The following CHORDC1 variants were observed in gnomAD, a reference collection of about 807,000 sequenced individuals.
The protein encoded by CHORDC1 is cysteine and histidine-rich domain-containing protein 1.
CHORDC1 carries 25 observed loss-of-function variants against 48.3 expected under a neutral mutation model. The observed-to-expected ratio is 0.52, with a 90% CI of 0.38 to 0.72. The LOEUF is 0.72. CHORDC1 is among the 30% of genes least tolerant of loss of function. The probability of loss-of-function intolerance (pLI) is 0.00; values close to 1 mark genes in which losing one functional copy is unlikely to be tolerated. For missense variants in CHORDC1, 317 were observed against 388.7 expected, an observed-to-expected ratio of 0.82 and a Z score of 1.55; for synonymous variants, 128 against 126.4, an observed-to-expected ratio of 1.01 and a Z score of -0.09.
chr11:90,216,738 T>C (rs1858022500), intron 2 of CHORDC1, among the ~76,000 whole-genome samples: 1 of 152,144 alleles, frequency 6.6e-6, no homozygotes, highest in Non-Finnish European at 1.5e-5. Context: ...AGCAGTAAAG[T>C]TGAGAGGCAG....
chr11:90,221,035 GA>G (rs980045588), intron 1 of CHORDC1, among the ~76,000 whole-genome samples: 37 of 149,962 alleles, frequency 2.5e-4, no homozygotes, highest in Admixed American at 4.0e-4. Context: ...TCTCTAGGGG[GA>G]AAAAAAAATC....
intron 6 of CHORDC1, chr11:90,208,100 G>A (rs1857753057): frequency 6.6e-6 from 1 of 152,012 alleles, no homozygotes; most frequent in African/African-American, 2.4e-5. Flanking sequence ...ACTAGAAATG[G>A]AAATGTGTAT....
intron 2 of CHORDC1, chr11:90,216,674 G>A: frequency 3.4e-6 from 1 of 292,022 alleles, no homozygotes; most frequent in South Asian, 2.9e-5. Context: ...TGCGGTAAGA[G>A]AAAAAACGGG....
chr11:90,218,957 TAAAAA>T (rs67038713), intron 1 of CHORDC1, among the ~76,000 whole-genome samples: 61 of 145,450 alleles, frequency 4.2e-4, no homozygotes, highest in Admixed American at 9.5e-4. Context: ...ACTTTTTAAT[TAAAAA>T]AAAAAAAAAA....
At chr11:90,214,618 G>C (rs969186103) in intron 3 of CHORDC1, among the ~76,000 whole-genome samples, 8 of 151,960 alleles carry the variant, frequency 5.3e-5, no homozygotes, top group African/African-American at 7.2e-5. Context: ...GGTAATGTCA[G>C]GTAAGATATT....
intron 2 of CHORDC1, among the ~76,000 whole-genome samples, chr11:90,215,902 A>G (rs1857999530): frequency 6.6e-6 from 1 of 152,110 alleles, no homozygotes; most frequent in Non-Finnish European, 1.5e-5. Context: ...CTTCAGATTA[A>G]GATTTGGGAC....
Position 90,201,008 on chromosome 11 carries a change from G to A in CHORDC1, c.*1397C>T, listed in dbSNP as rs770101539. On this transcript the variant is annotated 3_prime_UTR_variant, in exon 11 of 11. Coordinates refer to ENST00000320585, the MANE Select transcript of CHORDC1 (RefSeq NM_012124.3). Reference sequence around the variant, plus strand: ...GTCATGGTAATGTAACATCATGAAAGTCTGGTTGCCAGATCTTTATGTTTT... The same window carrying A: ...GTCATGGTAATGTAACATCATGAAAATCTGGTTGCCAGATCTTTATGTTTT... Among the ~76,000 whole-genome samples the A allele has an allele frequency of 1.3e-5, 2 of 151,930 alleles. No homozygotes were observed. Among genetic ancestry groups the A allele is most frequent in the Non-Finnish European group, 2.9e-5 (2 of 67,858 alleles).
rs1424124348 is a variant in CHORDC1, at chr11:90,210,584, ATT to A, written c.442_443del (p.Asn148Ter). On this transcript the variant is annotated frameshift_variant, in exon 6 of 11. Coordinates refer to ENST00000320585, the MANE Select transcript of CHORDC1 (RefSeq NM_012124.3). LOFTEE classifies it high-confidence loss of function. ...GNEENKKEED[N>X]DEIKIGTSCK... ...ATGAGGTCCCAATCTTAATTTCATC[ATT>A]GTCTTCTTCTGTAACAAAGAAAAAA... 8.9e-6 allele frequency: 14 copies of A among 1,577,946 alleles called. No individual in the cohort carries two copies. The highest frequency in any genetic ancestry group is 2.2e-5 in the East Asian group (1 of 44,504).
At chr11:90,206,866 A>G (rs1233560869) in intron 6 of CHORDC1, 4 of 779,376 alleles carry the variant, frequency 5.1e-6, no homozygotes, top group Admixed American at 5.6e-5. Flanking sequence ...AGCCAGTAGT[A>G]TATTTTCTAT....
chr11:90,222,287 A>G (rs1858190835), intron 1 of CHORDC1, among the ~76,000 whole-genome samples: 1 of 152,228 alleles, frequency 6.6e-6, no homozygotes, highest in African/African-American at 2.4e-5. Context: ...CGCTAGTAAT[A>G]AAAAGATAAC....
At chr11:90,218,310 CAAATGA>C in intron 1 of CHORDC1, 126 bp from the exon 2 acceptor site, 3 of 622,466 alleles carry the variant, frequency 4.8e-6, no homozygotes, top group Non-Finnish European at 8.1e-6. Flanking sequence ...TAAAAAGGTA[CAAATGA>C]TTGAGTTTGA....
At chr11:90,204,447 G>A (rs1459725419) in intron 8 of CHORDC1, among the ~76,000 whole-genome samples, 3 of 152,102 alleles carry the variant, frequency 2.0e-5, no homozygotes, top group African/African-American at 7.2e-5. Flanking sequence ...AGGGCCAGGC[G>A]CGGTGGCTCA....
intron 6 of CHORDC1, 53 bp from the exon 7 acceptor site, chr11:90,206,325 C>A: frequency 1.0e-6 from 1 of 973,002 alleles, no homozygotes; most frequent in Non-Finnish European, 1.6e-6. Flanking sequence ...ACAGTTACAT[C>A]TCATACATAT....
intron 8 of CHORDC1, 103 bp downstream of exon 8, chr11:90,205,354 AAAG>A: frequency 3.8e-6 from 3 of 788,152 alleles, no homozygotes; most frequent in Non-Finnish European, 4.2e-6. Context: ...ATGGTGCAAA[AAAG>A]AAAACTTTTT....
At position 90,205,529 on chromosome 11, in the gene CHORDC1, A is replaced by T; in HGVS notation, c.600T>A (p.Ser200=). ...CTTGGGCTAAGAATGTATTAAAATC[A>T]GAAGTTTTTCTTCTACAACAGCTCC... The part of the protein sequence containing the change: ...KYWSCCRRKT[S]DFNTFLAQEG... The change falls in exon 8 of 11, where the codon TCT becomes TCA. Residue 200 remains serine, a synonymous_variant. Coordinates refer to ENST00000320585, the MANE Select transcript of CHORDC1 (RefSeq NM_012124.3). 3 of 1,602,106 alleles carry T rather than the reference A, an allele frequency of 1.9e-6. No homozygotes were observed. The highest frequency in any genetic ancestry group is 1.7e-6 in the Non-Finnish European group (2 of 1,176,700).
At chr11:90,218,712 AAAG>A (rs933831198) in intron 1 of CHORDC1, among the ~76,000 whole-genome samples, 15 of 152,282 alleles carry the variant, frequency 9.9e-5, no homozygotes, top group South Asian at 6.2e-4. Context: ...ACCTCACTAA[AAAG>A]AAGACTAGGG....
rs759630739 is a variant in CHORDC1 at position 90,214,075 on chromosome 11, T to C, written c.272A>G (p.Lys91Arg). 5.6e-6 allele frequency: 9 copies of C among 1,613,664 alleles called. No homozygotes were observed. Among genetic ancestry groups the C allele is most frequent in the Non-Finnish European group, 7.6e-6 (9 of 1,179,676 alleles). ...GGCTTGAATGATGTGTTCCTGAAAT[T>C]TGGGTTTTAATTCACATAGCTCCTT... ...EKKELCELKP[K>R]FQEHIIQAPK... Residue 91 changes from lysine (K) to arginine (R), a missense_variant, in exon 4 of 11, where the codon AAA becomes AGA. By Grantham distance (26) the Lys-to-Arg change is conservative. Transcript: ENST00000320585.
At position 90,202,550 on chromosome 11, in the gene CHORDC1, A is replaced by G; in HGVS notation, c.854T>C (p.Val285Ala). ...TACATAACTTCGCTTTACATCAATC[A>G]CCTGTAACATATCAAAGAGAATTAC... ...EFDQNVKLWG[V>A]IDVKRSYVTM... The change falls in exon 11 of 11, where the codon GTG becomes GCG. Residue 285 changes from valine to alanine, a missense_variant and splice_region_variant. Coordinates refer to ENST00000320585, the MANE Select transcript of CHORDC1 (RefSeq NM_012124.3). 6.2e-7 allele frequency: 1 copy of G among 1,612,374 alleles called. No homozygotes were observed. Among genetic ancestry groups the G allele is most frequent in the Non-Finnish European group, 8.5e-7 (1 of 1,179,198 alleles).
intron 4 of CHORDC1, 127 bp from the exon 5 acceptor site, chr11:90,211,445 A>C: frequency 1.5e-6 from 1 of 648,974 alleles, no homozygotes; most frequent in Non-Finnish European, 2.8e-6. Context: ...TCCCATTAAA[A>C]GGTTAAAAGG....
Sources: allele counts gnomAD v4.1 joint callset (sites outside exome capture counted in the v4.1 genomes callset), GRCh38; gene constraint gnomAD v4.1.1; transcripts MANE v1.5; gene names NCBI Gene and HGNC (gene_info 2026-07-23, HGNC 2026-07-21).